The following CFAP44 variants were observed in gnomAD, a reference collection of about 807,000 sequenced individuals.
The protein encoded by CFAP44 is cilia- and flagella-associated protein 44.
In CFAP44, 134 loss-of-function variants were observed where a neutral mutation model predicts 216.2. The ratio of observed to expected loss-of-function variants is 0.62; its 90% confidence interval spans 0.54 to 0.72. The LOEUF (loss-of-function observed/expected upper bound fraction) is 0.72. Among genes scored for constraint, CFAP44 ranks in the 30% least tolerant of loss-of-function variants. CFAP44 has a pLI of 0.00. For missense variants in CFAP44, 2,035 were observed against 2,182.1 expected, an observed-to-expected ratio of 0.93 and a Z score of 1.34; for synonymous variants, 700 against 727.6, an observed-to-expected ratio of 0.96 and a Z score of 0.61.
intron 28 of CFAP44, among the ~76,000 whole-genome samples, chr3:113,317,851 T>C (rs1317546703): frequency 2.0e-5 from 3 of 152,198 alleles, no homozygotes; most frequent in Non-Finnish European, 4.4e-5. Context: ...CCCCATGGCC[T>C]GGAACACCCA....
At chr3:113,336,281 A>G (rs1220419166) in intron 24 of CFAP44, among the ~76,000 whole-genome samples, 1 of 152,100 alleles carries the variant, frequency 6.6e-6, no homozygotes, top group Non-Finnish European at 1.5e-5. Context: ...ACCAAAAGCT[A>G]GTTCTTTGAA....
At chr3:113,370,022 T>TAA (rs1007688661) in intron 18 of CFAP44, among the ~76,000 whole-genome samples, 1 of 152,220 alleles carries the variant, frequency 6.6e-6, no homozygotes, top group African/African-American at 2.4e-5. Flanking sequence ...CTCCCAAGAC[T>TAA]AAACCAGGAA....
intron 22 of CFAP44, among the ~76,000 whole-genome samples, 175 bp from the exon 23 acceptor site, chr3:113,344,887 G>A (rs1950366356): frequency 6.6e-6 from 1 of 151,822 alleles, no homozygotes; most frequent in South Asian, 2.1e-4. Flanking sequence ...GATTGGACTT[G>A]ATTAAAGAGC....
chr3:113,363,112 T>C (rs1950557096), intron 21 of CFAP44, 33 bp downstream of exon 21: 2 of 1,519,006 alleles, frequency 1.3e-6, no homozygotes, highest in South Asian at 2.8e-5. Flanking sequence ...ATAGCATATG[T>C]TAAAATAAAA....
At chr3:113,403,817 G>A (rs146813075) in intron 9 of CFAP44, 35 bp downstream of exon 9, 52 of 1,594,796 alleles carry the variant, frequency 3.3e-5, no homozygotes, top group Middle Eastern at 3.3e-4. Context: ...AGTCTTAAAC[G>A]TGGGTGCTAC....
At chr3:113,398,938 G>T (rs542519200) in intron 13 of CFAP44, among the ~76,000 whole-genome samples, 1 of 152,116 alleles carries the variant, frequency 6.6e-6, no homozygotes, top group Admixed American at 6.6e-5. Flanking sequence ...AATCAAGTAT[G>T]GTAGAAGTGA....
Position 113,426,150 on chromosome 3 carries a change from G to A in CFAP44, c.381C>T (p.Asn127=), listed in dbSNP as rs146168043. The A allele has an allele frequency of 8.1e-4, 1,302 of 1,614,112 alleles. 11 individuals carry two copies. In the African/African-American group the frequency reaches 0.015, roughly 19 times the overall value. ...ASMPFVTLDS[N]IPLDLLTLVH... Reference sequence around the variant, plus strand: ...CAAGTGTGAGAAGATCCAGTGGTATGTTTGAATCCAGAGTCACAAAAGGCA... The same window carrying A: ...CAAGTGTGAGAAGATCCAGTGGTATATTTGAATCCAGAGTCACAAAAGGCA... Residue 127 remains asparagine, a synonymous_variant, in exon 4 of 35, where the codon AAC becomes AAT. Transcript: ENST00000393845.
intron 28 of CFAP44, among the ~76,000 whole-genome samples, chr3:113,318,589 A>G (rs560252781): frequency 6.6e-6 from 1 of 152,326 alleles, no homozygotes; most frequent in African/African-American, 2.4e-5. Context: ...CCAGCTAGAT[A>G]TGATACAAGA....
intron 4 of CFAP44, among the ~76,000 whole-genome samples, chr3:113,424,985 G>A (rs1559945855): frequency 6.6e-6 from 1 of 152,060 alleles, no homozygotes; most frequent in East Asian, 1.9e-4. Context: ...GAAGGCATCA[G>A]AGCATTGTGT....
chr3:113,399,637 G>C (rs1255915082), intron 13 of CFAP44, among the ~76,000 whole-genome samples: 2 of 152,116 alleles, frequency 1.3e-5, no homozygotes, highest in Non-Finnish European at 2.9e-5. Flanking sequence ...ATCGAGGCTA[G>C]ATACACAAAG....
intron 4 of CFAP44, among the ~76,000 whole-genome samples, chr3:113,424,991 T>C (rs1934921492): frequency 6.6e-6 from 1 of 152,106 alleles, no homozygotes; most frequent in South Asian, 2.1e-4. Flanking sequence ...ATCAGAGCAT[T>C]GTGTACTTTA....
intron 28 of CFAP44, among the ~76,000 whole-genome samples, chr3:113,321,181 A>G (rs1183644815): frequency 6.6e-6 from 1 of 152,188 alleles, no homozygotes; most frequent in Admixed American, 6.5e-5. Flanking sequence ...CCATGATCAA[A>G]CAGGCTTTAT....
At chr3:113,403,463 T>C (rs928109227) in intron 9 of CFAP44, among the ~76,000 whole-genome samples, 12 of 152,218 alleles carry the variant, frequency 7.9e-5, no homozygotes, top group Non-Finnish European at 1.5e-4. Context: ...TATTTCTAAG[T>C]GGTAACCTCA....
chr3:113,332,796 T>C (rs1950251403), intron 25 of CFAP44, among the ~76,000 whole-genome samples: 1 of 152,054 alleles, frequency 6.6e-6, no homozygotes, highest in Non-Finnish European at 1.5e-5. Context: ...AGTTTGGAAG[T>C]CCTACAAAAA....
chr3:113,440,846 C>G (rs1412511335), intron 1 of CFAP44, among the ~76,000 whole-genome samples: 1 of 152,172 alleles, frequency 6.6e-6, no homozygotes, highest in African/African-American at 2.4e-5. Context: ...TTAGCCTTCT[C>G]CTCTCAAAGA....
At chr3:113,297,205 T>A (rs757291572) in intron 32 of CFAP44, among the ~76,000 whole-genome samples, 1 of 152,066 alleles carries the variant, frequency 6.6e-6, no homozygotes, top group Non-Finnish European at 1.5e-5. Flanking sequence ...AATATGGCAC[T>A]TTACAGCATC....
chr3:113,356,755 T>C (rs1950495348), intron 22 of CFAP44, among the ~76,000 whole-genome samples: 1 of 152,170 alleles, frequency 6.6e-6, no homozygotes, highest in Non-Finnish European at 1.5e-5. Flanking sequence ...TAGGCAAAAG[T>C]TCTTTAAGTA....
chr3:113,425,990 G>T, intron 4 of CFAP44, 134 bp downstream of exon 4: 1 of 985,738 alleles, frequency 1.0e-6, no homozygotes, highest in Admixed American at 2.4e-5. Context: ...AATGGATGTG[G>T]CTGTGTTGCA....
rs557888785 is a variant in CFAP44 at position 113,314,358 on chromosome 3, G to A, written c.4517-6090C>T. On this transcript the variant is annotated intron_variant, in intron 28 of 34. Transcript: ENST00000393845. ...TTTCTCATTAGAAACCATGGAAGCC[G>A]AAAGGAAATGACACAATGATTTTTC... 9.2e-5 allele frequency among the ~76,000 whole-genome samples: 14 copies of A among 152,244 alleles called. No homozygotes were observed. In the East Asian group the frequency reaches 9.6e-4, roughly 10 times the overall value.
Sources: gnomAD v4.1 joint callset for allele counts (sites outside exome capture counted in the v4.1 genomes callset) on GRCh38, gnomAD v4.1.1 for gene constraint, MANE v1.5 for transcripts, NCBI Gene and HGNC (gene_info 2026-07-23, HGNC 2026-07-21) for gene names.